Variants in PCDHGB3 observed in about 807,000 individuals in gnomAD.
PCDHGB3 encodes the protein protocadherin gamma subfamily B, 3, also known as protocadherin gamma-B3.
A neutral mutation model predicts 59.2 loss-of-function variants in PCDHGB3; 40 were observed. The ratio of observed to expected loss-of-function variants is 0.68; its 90% confidence interval spans 0.52 to 0.88. The LOEUF (loss-of-function observed/expected upper bound fraction) is 0.88, where lower values mean the gene tolerates loss of function less well. Among genes scored for constraint, PCDHGB3 ranks in the 40% least tolerant of loss-of-function variants. PCDHGB3 has a pLI of 0.00. For synonymous variants in PCDHGB3, 581 were observed against 503.6 expected, an observed-to-expected ratio of 1.15 and a Z score of -2.06; for missense variants, 1,309 against 1,187.9, an observed-to-expected ratio of 1.10 and a Z score of -1.50.
Position 141,487,356 on chromosome 5 carries a change from C to A in PCDHGB3, c.2416-7451C>A. On this transcript the variant is annotated intron_variant, in intron 1 of 3. Coordinates refer to ENST00000576222, the MANE Select transcript of PCDHGB3 (RefSeq NM_018924.5). The surrounding 1 kb of genome is among the most constrained non-coding windows in gnomAD (Gnocchi z 5.0). ...GCCTGTGGAGTCACATGCTTTCCTG[C>A]TGGCACCTGTGCCTGTCTCACCAGA... 1 of 1,614,220 alleles carries A rather than the reference C, an allele frequency of 6.2e-7. No individual in the cohort carries two copies. The highest frequency in any genetic ancestry group is 8.5e-7 in the Non-Finnish European group (1 of 1,180,042).
At chr5:141,478,493 G>A in intron 1 of PCDHGB3, 1 of 1,613,176 alleles carries the variant, frequency 6.2e-7, no homozygotes, top group Non-Finnish European at 8.5e-7. Flanking sequence ...GCGGAGCTGT[G>A]ATCCGGTGTT....
In PCDHGB3 at chr5:141,477,191, A is replaced by G; in HGVS notation, c.2416-17616A>G. ...GGAGATCACAGTCACCTCCGTGTACAGCCCAGTACCCGAGGATGCCCCTCT... is the reference window on the plus strand; with the variant it reads ...GGAGATCACAGTCACCTCCGTGTACGGCCCAGTACCCGAGGATGCCCCTCT... On this transcript the variant is annotated intron_variant, in intron 1 of 3. Transcript: ENST00000576222. This position sits in a 1 kb window ranked among gnomAD's most constrained non-coding sequence, Gnocchi z 4.9. 5.0e-6 allele frequency: 8 copies of G among 1,614,210 alleles called. No homozygotes were observed. The highest frequency in any genetic ancestry group is 6.8e-6 in the Non-Finnish European group (8 of 1,180,044).
chr5:141,469,370 A>T (rs1453825795), intron 1 of PCDHGB3, among the ~76,000 whole-genome samples: 1 of 152,106 alleles, frequency 6.6e-6, no homozygotes, highest in Non-Finnish European at 1.5e-5. Flanking sequence ...AGGTAAAGAG[A>T]TCGAGACCAT....
intron 1 of PCDHGB3, among the ~76,000 whole-genome samples, chr5:141,460,912 G>GTATA (rs34683754): frequency 4.0e-5 from 6 of 149,324 alleles, no homozygotes; most frequent in South Asian, 2.1e-4. Context: ...ATTCCATGGT[G>GTATA]TATATATATA....
At chr5:141,399,019 A>AC in intron 1 of PCDHGB3, 1 of 1,613,932 alleles carries the variant, frequency 6.2e-7, no homozygotes, top group Non-Finnish European at 8.5e-7. Context: ...CGGAGAAATT[A>AC]CCACTCAAAA....
chr5:141,392,641 C>A, intron 1 of PCDHGB3: 2 of 655,502 alleles, frequency 3.1e-6, no homozygotes, highest in East Asian at 5.8e-5. Flanking sequence ...TCACACCTCA[C>A]GAAGACCCGC....
In PCDHGB3 at chr5:141,490,410, T is replaced by C. The variant is rs2099699827; in HGVS notation, c.2416-4397T>C. ...ATGGTGAAGTGAGCCTTGATATCTC[T>C]CCGGACCTGCCATTTCAGATTAAGC... On this transcript the variant is annotated intron_variant, in intron 1 of 3. Coordinates refer to ENST00000576222, the MANE Select transcript of PCDHGB3 (RefSeq NM_018924.5). The surrounding 1 kb of genome is among the most constrained non-coding windows in gnomAD (Gnocchi z 5.4). 1 of 1,614,172 alleles carries C rather than the reference T, an allele frequency of 6.2e-7. No individual in the cohort carries two copies. Among genetic ancestry groups the C allele is most frequent in the Non-Finnish European group, 8.5e-7 (1 of 1,180,042 alleles).
chr5:141,445,708 G>A (rs2098475030), intron 1 of PCDHGB3, among the ~76,000 whole-genome samples: 1 of 152,168 alleles, frequency 6.6e-6, no homozygotes, highest in African/African-American at 2.4e-5. Flanking sequence ...AAATTGTCAG[G>A]CAGAGGAAAT....
intron 1 of PCDHGB3, chr5:141,388,229 C>A (rs1041340259): frequency 1.7e-5 from 27 of 1,606,864 alleles, no homozygotes; most frequent in Non-Finnish European, 2.2e-5. Context: ...ATCCACTGAA[C>A]TTTTATCACG....
intron 1 of PCDHGB3, among the ~76,000 whole-genome samples, chr5:141,481,790 A>C (rs2154579313): frequency 6.6e-6 from 1 of 152,222 alleles, no homozygotes; most frequent in East Asian, 1.9e-4. Flanking sequence ...CGTCTCTACT[A>C]AAAATACAAA....
chr5:141,494,441 C>T (rs1187169994), intron 1 of PCDHGB3, among the ~76,000 whole-genome samples: 2 of 152,154 alleles, frequency 1.3e-5, no homozygotes, highest in African/African-American at 4.8e-5. Context: ...TCCTTTGCCA[C>T]TTTAGGGGGC....
At position 141,490,840 on chromosome 5, in the gene PCDHGB3, G is replaced by C. The variant is rs1177428192; in HGVS notation, c.2416-3967G>C. On this transcript the variant is annotated intron_variant, in intron 1 of 3. Transcript: ENST00000576222. This position sits in a 1 kb window ranked among gnomAD's most constrained non-coding sequence, Gnocchi z 5.4. Reference sequence around the variant, plus strand: ...ATTGCTGCAGATGCTGCAGATTGTGGTGGGGGTTCGAGACTCCGGCTCTCC... The same window carrying C: ...ATTGCTGCAGATGCTGCAGATTGTGCTGGGGGTTCGAGACTCCGGCTCTCC... 2 of 1,613,900 alleles carry C rather than the reference G, an allele frequency of 1.2e-6. No homozygotes were observed. Among genetic ancestry groups the C allele is most frequent in the Middle Eastern group, 3.3e-4 (2 of 6,058 alleles).
At chr5:141,506,188 C>A (rs925159785) in intron 3 of PCDHGB3, among the ~76,000 whole-genome samples, 1 of 152,058 alleles carries the variant, frequency 6.6e-6, no homozygotes, top group Non-Finnish European at 1.5e-5. Flanking sequence ...TGGTGGCTCA[C>A]GCCTGTAATC....
At position 141,399,193 on chromosome 5, in the gene PCDHGB3, G is replaced by A. The variant is rs138699584; in HGVS notation, c.2415+26384G>A. ...TCTACTTGAAATGATTCTGGAAAAC[G>A]CGGTGCCTGGAACACTAATTGCTTT... is the stretch of plus-strand genomic sequence containing the variant. On this transcript the variant is annotated intron_variant, in intron 1 of 3. Transcript: ENST00000576222. The A allele has an allele frequency of 4.9e-3, 7,970 of 1,613,820 alleles. 45 individuals are homozygous for A. Among genetic ancestry groups the A allele is most frequent in the Admixed American group, 9.4e-3 (567 of 60,008 alleles).
intron 1 of PCDHGB3, chr5:141,414,557 A>C: frequency 6.2e-7 from 1 of 1,613,906 alleles, no homozygotes. Flanking sequence ...CAAGTCTCCT[A>C]CTTTACCTAT....
intron 1 of PCDHGB3, chr5:141,412,700 G>C (rs537095191): frequency 6.6e-6 from 1 of 152,574 alleles, no homozygotes; most frequent in South Asian, 2.1e-4. Flanking sequence ...TTTTATTAAA[G>C]TGTGTACATT....
chr5:141,405,459 A>G (rs553327050), intron 1 of PCDHGB3: 1 of 1,229,452 alleles, frequency 8.1e-7, no homozygotes, highest in African/African-American at 1.5e-5. Context: ...TTACTCTGTT[A>G]CCCAGGCTGG....
At position 141,421,262 on chromosome 5, in the gene PCDHGB3, G is replaced by GGCT. The variant is rs748368476; in HGVS notation, c.2415+48467_2415+48469dup. 2.6e-5 allele frequency: 42 copies of GGCT among 1,609,594 alleles called. No homozygotes were observed. The Admixed American group carries it at 3.2e-4, about 12-fold the overall frequency. On this transcript the variant is annotated intron_variant, in intron 1 of 3. Coordinates refer to ENST00000576222, the MANE Select transcript of PCDHGB3 (RefSeq NM_018924.5). ...CGGCTACAGCGCGGGGACCGCAGTC[G>GGCT]GCTGCTGCTGCTGCTGTGCATTTTC...
At chr5:141,448,667 G>A (rs1262994760) in intron 1 of PCDHGB3, among the ~76,000 whole-genome samples, 6 of 151,990 alleles carry the variant, frequency 3.9e-5, no homozygotes, top group African/African-American at 9.7e-5. Flanking sequence ...TTGGCCGGGC[G>A]CGGTGGCTCA....
Sources: gnomAD v4.1 joint callset for allele counts (sites outside exome capture counted in the v4.1 genomes callset) on GRCh38, gnomAD v4.1.1 for gene constraint, Gnocchi (gnomAD v3.1) non-coding constraint, MANE v1.5 for transcripts, NCBI Gene and HGNC (gene_info 2026-07-23, HGNC 2026-07-21) for gene names.